Variants in PLEKHG1 observed in about 807,000 individuals in gnomAD.
PLEKHG1 encodes pleckstrin homology domain-containing family G member 1.
In PLEKHG1, 44 loss-of-function variants were observed where a neutral mutation model predicts 100.8. The ratio of observed to expected loss-of-function variants is 0.44; its 90% CI spans 0.34 to 0.56. The LOEUF (loss-of-function observed/expected upper bound fraction) is 0.56. Among genes scored for constraint, PLEKHG1 ranks in the 20% least tolerant of loss-of-function variants. The pLI is 0.01. For missense variants in PLEKHG1, 1,545 were observed against 1,720.9 expected, an observed-to-expected ratio of 0.90 and a Z score of 1.81; for synonymous variants, 640 against 662.5, an observed-to-expected ratio of 0.97 and a Z score of 0.52.
intron 2 of PLEKHG1, 90 bp from the exon 4 acceptor site, chr6:150,768,548 G>C (rs1784554759): frequency 2.7e-6 from 2 of 727,822 alleles, no homozygotes; most frequent in South Asian, 3.3e-5. Flanking sequence ...ATAATTACTT[G>C]AAACAGATAT....
intron 2 of PLEKHG1, among the ~76,000 whole-genome samples, chr6:150,734,461 A>G (rs973464400): frequency 6.6e-6 from 1 of 152,176 alleles, no homozygotes; most frequent in Non-Finnish European, 1.5e-5. Context: ...TAAACCCCTC[A>G]GCTGTCCTTA....
chr6:150,747,546 T>C (rs1211006178), intron 2 of PLEKHG1, among the ~76,000 whole-genome samples: 3 of 152,206 alleles, frequency 2.0e-5, no homozygotes, highest in Non-Finnish European at 4.4e-5. Context: ...GCAGCTTTCA[T>C]GAAATTTTTT....
At chr6:150,641,381 A>G (rs1778252274) in intron 2 of PLEKHG1, among the ~76,000 whole-genome samples, 1 of 152,218 alleles carries the variant, frequency 6.6e-6, no homozygotes, top group Admixed American at 6.5e-5. Flanking sequence ...TTGAAATGGT[A>G]ATCATATTCA....
chr6:150,843,331 G>C (rs986460494), exon 16 of PLEKHG1: 4 of 151,944 alleles, frequency 2.6e-5, no homozygotes, highest in African/African-American at 9.7e-5. Context: ...TGTTGGCCAG[G>C]ACACAGATTT....
At chr6:150,693,220 G>A (rs533443006) in intron 3 of PLEKHG1, among the ~76,000 whole-genome samples, 46 of 152,044 alleles carry the variant, frequency 3.0e-4, no homozygotes, top group Non-Finnish European at 4.9e-4. Flanking sequence ...CCTGGGAGGC[G>A]GAGGTTGCAG....
chr6:150,821,169 G>A, intron 12 of PLEKHG1, 26 bp from the exon 14 acceptor site: 1 of 1,607,178 alleles, frequency 6.2e-7, no homozygotes, highest in Non-Finnish European at 8.5e-7. Flanking sequence ...TTTTGCCAAT[G>A]ATGCTGGCTT....
At chr6:150,693,875 A>G (rs1780442537) in intron 3 of PLEKHG1, among the ~76,000 whole-genome samples, 1 of 152,278 alleles carries the variant, frequency 6.6e-6, no homozygotes, top group Admixed American at 6.5e-5. Flanking sequence ...CTCGAGAGGC[A>G]GAGCAAAATG....
chr6:150,645,743 T>A (rs530884313), intron 2 of PLEKHG1, among the ~76,000 whole-genome samples: 29 of 152,288 alleles, frequency 1.9e-4, no homozygotes, highest in Admixed American at 1.8e-3. Context: ...GCACCAAGTG[T>A]TGGCCATAGT....
intron 3 of PLEKHG1, among the ~76,000 whole-genome samples, chr6:150,670,238 T>TC (rs1176038519): frequency 6.6e-6 from 1 of 152,246 alleles, no homozygotes; most frequent in Non-Finnish European, 1.5e-5. Flanking sequence ...TGGGTTTTTT[T>TC]CTAATAAAAA....
In PLEKHG1 at chr6:150,721,143, C is replaced by T. The variant is rs1781654100; in HGVS notation, c.-156C>T. Reference sequence around the variant, plus strand: ...AGCAAAGGCTGTTTCTTTTACCTGACTGAGGTCACTGCATCAGCTGAAGGC... The same window carrying T: ...AGCAAAGGCTGTTTCTTTTACCTGATTGAGGTCACTGCATCAGCTGAAGGC... On this transcript the variant is annotated 5_prime_UTR_variant, in exon 1 of 16. Transcript: ENST00000358517. The T allele has an allele frequency of 4.1e-6, 4 of 985,228 alleles. No homozygotes were observed. The South Asian group carries it at 1.9e-4, about 46-fold the overall frequency. 61.0% of individuals were successfully genotyped at this position (985,228 alleles called of 1,614,324 possible).
intron 3 of PLEKHG1, among the ~76,000 whole-genome samples, chr6:150,699,206 G>T (rs763694521): frequency 2.6e-5 from 4 of 152,058 alleles, no homozygotes; most frequent in South Asian, 4.2e-4. Flanking sequence ...TTTTTGGTTT[G>T]GTTTTGTTTT....
intron 1 of PLEKHG1, among the ~76,000 whole-genome samples, chr6:150,634,593 CT>C (rs1214513502): frequency 6.6e-6 from 1 of 152,148 alleles, no homozygotes; most frequent in Non-Finnish European, 1.5e-5. Context: ...AAATAAACAT[CT>C]AAAATATTTC....
chr6:150,710,978 C>T (rs1329262440), intron 3 of PLEKHG1, among the ~76,000 whole-genome samples: 2 of 152,148 alleles, frequency 1.3e-5, no homozygotes, highest in East Asian at 3.9e-4. Flanking sequence ...TCAGATGATC[C>T]TTCAGTGTGT....
intron 3 of PLEKHG1, among the ~76,000 whole-genome samples, chr6:150,784,773 AAG>A (rs1449071327): frequency 6.6e-6 from 1 of 152,204 alleles, no homozygotes; most frequent in Non-Finnish European, 1.5e-5. Context: ...AAGAAAAAAA[AAG>A]AGAAACAATT....
chr6:150,738,377 A>G (rs1782683789), intron 2 of PLEKHG1, among the ~76,000 whole-genome samples: 5 of 152,192 alleles, frequency 3.3e-5, no homozygotes, highest in Admixed American at 1.3e-4. Flanking sequence ...GTTAAAAAAC[A>G]TGAGCAGGAA....
intron 2 of PLEKHG1, among the ~76,000 whole-genome samples, chr6:150,747,171 A>G (rs1042879587): frequency 4.6e-5 from 7 of 152,366 alleles, no homozygotes; most frequent in East Asian, 1.9e-4. Flanking sequence ...TGAATATTCA[A>G]TTATACTGAG....
intron 1 of PLEKHG1, among the ~76,000 whole-genome samples, chr6:150,629,898 C>A (rs572934410): frequency 1.1e-4 from 17 of 151,994 alleles, no homozygotes; most frequent in African/African-American, 2.9e-4. Context: ...TTTATTTATA[C>A]TTTTCTGTAT....
At chr6:150,737,926 C>A (rs1782659412) in intron 2 of PLEKHG1, among the ~76,000 whole-genome samples, 1 of 152,066 alleles carries the variant, frequency 6.6e-6, no homozygotes, top group Admixed American at 6.6e-5. Context: ...GCCTCAGCCT[C>A]CCATGTATCT....
chr6:150,781,825 G>T (rs1387026900), intron 3 of PLEKHG1, among the ~76,000 whole-genome samples: 1 of 150,422 alleles, frequency 6.6e-6, no homozygotes, highest in Non-Finnish European at 1.5e-5. Context: ...AGGCTGGAGT[G>T]CAGTGGCCCG....
Sources: allele counts gnomAD v4.1 joint callset (sites outside exome capture counted in the v4.1 genomes callset), GRCh38; gene constraint gnomAD v4.1.1; transcripts MANE v1.5; gene names NCBI Gene and HGNC (gene_info 2026-07-23, HGNC 2026-07-21).